PCDHGB3: variants seen among roughly 807,000 people sequenced by gnomAD.
PCDHGB3 encodes the protein protocadherin gamma-B3.
Under a neutral mutation model 59.2 loss-of-function variants are expected in PCDHGB3, and 40 were observed. The ratio of observed to expected loss-of-function variants is 0.68; its 90% confidence interval spans 0.52 to 0.88. The LOEUF is 0.88. Ranked by LOEUF, PCDHGB3 falls within the 40% of genes least tolerant of loss-of-function variation. PCDHGB3 has a pLI of 0.00. For missense variants in PCDHGB3, 1,309 were observed against 1,187.9 expected (o/e 1.10, Z -1.50); for synonymous variants, 581 against 503.6 (o/e 1.15, Z -2.06).
Position 141,511,303 on chromosome 5 carries a change from C to T in PCDHGB3, c.*130C>T, listed in dbSNP as rs2099883709. 2.7e-6 allele frequency: 4 copies of T among 1,490,160 alleles called. No homozygotes were observed. Among genetic ancestry groups the T allele is most frequent in the Non-Finnish European group, 3.6e-6 (4 of 1,116,196 alleles). 92.3% of individuals were successfully genotyped at this position (1,490,160 alleles called of 1,614,324 possible). ...CTGGTAGGGGCCAAGGCCATGCTCC[C>T]CTTGGGAAACAGAAACAAGTGCCCA... On this transcript the variant is annotated 3_prime_UTR_variant, in exon 4 of 4. Coordinates refer to ENST00000576222, the MANE Select transcript of PCDHGB3 (RefSeq NM_018924.5).
At chr5:141,498,919 C>T (rs897611505) in intron 2 of PCDHGB3, among the ~76,000 whole-genome samples, 34 of 122,310 alleles carry the variant, frequency 2.8e-4, no homozygotes, top group African/African-American at 3.4e-4. Flanking sequence ...GGTGACAGAG[C>T]GAGACTCCAT....
intron 1 of PCDHGB3, among the ~76,000 whole-genome samples, chr5:141,425,471 T>A (rs2096877403): frequency 6.6e-6 from 1 of 152,218 alleles, no homozygotes; most frequent in African/African-American, 2.4e-5. Flanking sequence ...TGTTATTAAT[T>A]CCTATGGCAA....
intron 1 of PCDHGB3, among the ~76,000 whole-genome samples, chr5:141,470,572 A>G (rs1349952470): frequency 6.6e-6 from 1 of 152,208 alleles, no homozygotes; most frequent in Non-Finnish European, 1.5e-5. Flanking sequence ...GCCAAGCAGG[A>G]TCAACTTCAT....
In PCDHGB3 at chr5:141,487,818, G is replaced by A. The variant is rs1009237001; in HGVS notation, c.2416-6989G>A. On this transcript the variant is annotated intron_variant, in intron 1 of 3. Coordinates refer to ENST00000576222, the MANE Select transcript of PCDHGB3 (RefSeq NM_018924.5). This position sits in a 1 kb window ranked among gnomAD's most constrained non-coding sequence, Gnocchi z 5.0. ...GAGTTGTCACAGTTTAGCATTGGGG[G>A]CGGGTCATGCCTATATCTGAGTAAG... The A allele has an allele frequency of 1.2e-4, 158 of 1,331,596 alleles. No homozygotes were observed. The highest frequency in any genetic ancestry group is 1.4e-4 in the Non-Finnish European group (140 of 970,524). 82.5% of individuals were successfully genotyped at this position (1,331,596 alleles called of 1,614,324 possible). A position where few individuals can be genotyped will look rare whatever the true frequency, so the allele number is the denominator to read the frequency against.
intron 1 of PCDHGB3, chr5:141,428,275 G>A (rs566455986): frequency 6.5e-6 from 5 of 767,218 alleles, no homozygotes; most frequent in African/African-American, 3.4e-5. Context: ...TGTGCCCTCT[G>A]ATTCCCAAGC....
chr5:141,492,384 C>G (rs1001189412), intron 1 of PCDHGB3, among the ~76,000 whole-genome samples: 1 of 152,230 alleles, frequency 6.6e-6, no homozygotes, highest in Non-Finnish European at 1.5e-5. Context: ...AGGCCTGTTC[C>G]GGTCCACTCG....
chr5:141,418,883 G>A (rs376245268), intron 1 of PCDHGB3: 5 of 1,613,960 alleles, frequency 3.1e-6, no homozygotes, highest in East Asian at 2.2e-5. Flanking sequence ...AGACGAAAAC[G>A]ACAACAGCCC....
At chr5:141,422,957 A>C in intron 1 of PCDHGB3, 1 of 1,614,190 alleles carries the variant, frequency 6.2e-7, no homozygotes. Flanking sequence ...ACTGGCGTGG[A>C]GCTGGCGCCC....
chr5:141,393,964 G>C, intron 1 of PCDHGB3: 1 of 1,613,870 alleles, frequency 6.2e-7, no homozygotes, highest in Middle Eastern at 1.6e-4. Flanking sequence ...CAAGTTGTCT[G>C]TTACACACGT....
At position 141,370,913 on chromosome 5, in the gene PCDHGB3, C is replaced by T. The variant is rs1242230651; in HGVS notation, c.519C>T (p.Ser173=). The change falls in exon 1 of 4, where the codon AGC becomes AGT. Residue 173 remains serine (S), a synonymous_variant. Coordinates refer to ENST00000576222, the MANE Select transcript of PCDHGB3 (RefSeq NM_018924.5). ...ATTCGCTGCAGCAGTACTACCTCAGCCCTGATCCGCACTTCTCTTTGATTC... is the reference window on the plus strand; with the variant it reads ...ATTCGCTGCAGCAGTACTACCTCAGTCCTGATCCGCACTTCTCTTTGATTC... ...GVNSLQQYYL[S]PDPHFSLIQK... 5 of 1,613,884 alleles carry T rather than the reference C, an allele frequency of 3.1e-6. No homozygotes were observed. The highest frequency in any genetic ancestry group is 2.7e-5 in the African/African-American group (2 of 74,916).
intron 1 of PCDHGB3, chr5:141,375,182 G>C: frequency 6.2e-7 from 1 of 1,613,936 alleles, no homozygotes; most frequent in Non-Finnish European, 8.5e-7. Context: ...AACAGTAATC[G>C]CCCTTTTTCA....
chr5:141,423,539 T>C (rs747825176), intron 1 of PCDHGB3: 10 of 1,613,140 alleles, frequency 6.2e-6, no homozygotes, highest in Non-Finnish European at 8.5e-6. Flanking sequence ...CACCTGATTT[T>C]CCCCCAGCCC....
At position 141,388,975 on chromosome 5, in the gene PCDHGB3, T is replaced by C. The variant is rs1293529479; in HGVS notation, c.2415+16166T>C. The C allele has an allele frequency of 6.8e-6, 11 of 1,613,888 alleles. No homozygotes were observed. The highest frequency in any genetic ancestry group is 8.5e-6 in the Non-Finnish European group (10 of 1,179,894). On this transcript the variant is annotated intron_variant, in intron 1 of 3. Transcript: ENST00000576222. ...GAGGACGCCGAGCTGGGAACACATATTGCTTTGCTCAAAGTCCGTGACAAG... is the reference window on the plus strand; with the variant it reads ...GAGGACGCCGAGCTGGGAACACATACTGCTTTGCTCAAAGTCCGTGACAAG...
intron 1 of PCDHGB3, chr5:141,374,052 T>C (rs1770060748): frequency 1.4e-6 from 2 of 1,478,038 alleles, no homozygotes; most frequent in Non-Finnish European, 9.0e-7. Flanking sequence ...CTTCCTCTTC[T>C]TAATCCCAGA....
chr5:141,483,756 G>C (rs11739909), intron 1 of PCDHGB3, among the ~76,000 whole-genome samples: 24,641 of 152,020 alleles, frequency 0.16, 2,128 homozygotes, highest in African/African-American at 0.22. Context: ...GAGGATCGAG[G>C]CTTGGAAAAA....
At chr5:141,381,785 G>T (rs1349926565) in intron 1 of PCDHGB3, among the ~76,000 whole-genome samples, 1 of 149,782 alleles carries the variant, frequency 6.7e-6, no homozygotes, top group Non-Finnish European at 1.5e-5. Context: ...CAGGAACAAG[G>T]CAAGGCAATT....
At position 141,491,832 on chromosome 5, in the gene PCDHGB3, C is replaced by T. The variant is rs755882255; in HGVS notation, c.2416-2975C>T. On this transcript the variant is annotated intron_variant, in intron 1 of 3. Coordinates refer to ENST00000576222, the MANE Select transcript of PCDHGB3 (RefSeq NM_018924.5). The surrounding 1 kb of genome is among the most constrained non-coding windows in gnomAD (Gnocchi z 6.9). ...GTCGCTGGCTGCGCTCCACCCGATT[C>T]TCGGGATCATTGGACCGTTTGCGCG... 1.6e-5 allele frequency: 24 copies of T among 1,474,306 alleles called. No individual in the cohort carries two copies. The highest frequency in any genetic ancestry group is 2.0e-5 in the Non-Finnish European group (22 of 1,112,688). 91.3% of individuals were successfully genotyped at this position (1,474,306 alleles called of 1,614,324 possible). A position where few individuals can be genotyped will look rare whatever the true frequency, so the allele number is the denominator to read the frequency against.
At position 141,489,181 on chromosome 5, in the gene PCDHGB3, T is replaced by C; in HGVS notation, c.2416-5626T>C. The C allele has an allele frequency of 1.6e-6, 2 of 1,259,546 alleles. No homozygotes were observed. The highest frequency in any genetic ancestry group is 2.2e-6 in the Non-Finnish European group (2 of 905,040). The allele number at this position is 1,259,546 out of a possible 1,614,324, so 78.0% of individuals were successfully genotyped here. ...ACTTCAGCTGCTGCATTCCAAGCCC[T>C]GGGTCTACCTTGGAGACAGGACAGC... On this transcript the variant is annotated intron_variant, in intron 1 of 3. Transcript: ENST00000576222. This position sits in a 1 kb window ranked among gnomAD's most constrained non-coding sequence, Gnocchi z 4.5.
chr5:141,400,439 C>T, intron 1 of PCDHGB3: 1 of 1,614,056 alleles, frequency 6.2e-7, no homozygotes. Context: ...CAATTGAGTT[C>T]AGGACAAGAC....
Sources: gnomAD v4.1 joint callset for allele counts (sites outside exome capture counted in the v4.1 genomes callset) on GRCh38, gnomAD v4.1.1 for gene constraint, Gnocchi (gnomAD v3.1) non-coding constraint, MANE v1.5 for transcripts, NCBI Gene and HGNC (gene_info 2026-07-23, HGNC 2026-07-21) for gene names.